Variants in PDGFD observed in about 807,000 individuals in gnomAD.
The protein encoded by PDGFD is platelet-derived growth factor D.
Under a neutral mutation model 44.7 loss-of-function variants are expected in PDGFD, and 30 were observed. That is an observed-to-expected ratio of 0.67 (90% CI 0.50 to 0.91). The LOEUF is 0.91. PDGFD is among the 40% of genes least tolerant of loss of function. The pLI, the probability that PDGFD is intolerant of heterozygous loss-of-function variation, is 0.00. For missense variants in PDGFD, 445 were observed against 457.8 expected (o/e 0.97, Z 0.25); for synonymous variants, 173 against 168.4 (o/e 1.03, Z -0.21).
intron 3 of PDGFD, among the ~76,000 whole-genome samples, chr11:103,974,354 T>C (rs1353159928): frequency 1.3e-5 from 2 of 152,136 alleles, no homozygotes. Flanking sequence ...CCATGTGCAG[T>C]CACCTCCTAT....
chr11:104,094,483 A>C (rs1329352331), intron 1 of PDGFD, among the ~76,000 whole-genome samples: 2 of 152,078 alleles, frequency 1.3e-5, no homozygotes, highest in African/African-American at 4.8e-5. Context: ...AGCATCTCAA[A>C]CTTCACTTTT....
intron 1 of PDGFD, among the ~76,000 whole-genome samples, chr11:104,011,817 T>C (rs1859791156): frequency 6.6e-6 from 1 of 151,938 alleles, no homozygotes; most frequent in Non-Finnish European, 1.5e-5. Flanking sequence ...GTAAATATAC[T>C]AAAAAAATGA....
chr11:103,912,651 G>C (rs143182482), intron 6 of PDGFD, among the ~76,000 whole-genome samples: 1,731 of 152,186 alleles, frequency 0.011, 32 homozygotes, highest in African/African-American at 0.039. Flanking sequence ...AATGTAAATG[G>C]GCTAAATTCC....
At chr11:103,988,425 T>C (rs11226105) in intron 3 of PDGFD, among the ~76,000 whole-genome samples, 2,761 of 152,126 alleles carry the variant, frequency 0.018, 78 homozygotes, top group African/African-American at 0.063. Context: ...GGGAGTCATC[T>C]GCTCATATGA....
chr11:104,117,446 C>T (rs1861659045), intron 1 of PDGFD, among the ~76,000 whole-genome samples: 1 of 151,976 alleles, frequency 6.6e-6, no homozygotes, highest in Non-Finnish European at 1.5e-5. Context: ...TGAACTGTCA[C>T]TGTTTGCTGA....
chr11:104,032,638 A>C (rs1860146671), intron 1 of PDGFD, among the ~76,000 whole-genome samples: 1 of 151,140 alleles, frequency 6.6e-6, no homozygotes, highest in African/African-American at 2.4e-5. Context: ...ACCATCAGTT[A>C]TGTGGATTTT....
chr11:103,949,266 G>T (rs887553263), intron 3 of PDGFD, among the ~76,000 whole-genome samples: 33 of 152,214 alleles, frequency 2.2e-4, no homozygotes, highest in African/African-American at 7.7e-4. Context: ...GCCCCCCAAA[G>T]TGCTGGGATT....
chr11:104,016,906 G>A (rs1023545699), intron 1 of PDGFD, among the ~76,000 whole-genome samples: 16 of 152,162 alleles, frequency 1.1e-4, no homozygotes, highest in African/African-American at 3.9e-4. Flanking sequence ...CAGGTTTTGG[G>A]AAGAAATCTC....
intron 1 of PDGFD, among the ~76,000 whole-genome samples, chr11:104,049,607 T>C (rs1488439118): frequency 6.6e-6 from 1 of 152,116 alleles, no homozygotes; most frequent in African/African-American, 2.4e-5. Flanking sequence ...AGAATTAGGC[T>C]CCTGAGAGGT....
chr11:104,125,312 A>T (rs1480188747), intron 1 of PDGFD, among the ~76,000 whole-genome samples: 1 of 152,102 alleles, frequency 6.6e-6, no homozygotes, highest in Non-Finnish European at 1.5e-5. Context: ...TCTTTATCTG[A>T]TAATAGGGCT....
chr11:103,934,178 G>A (rs1858451585), intron 5 of PDGFD, among the ~76,000 whole-genome samples: 1 of 152,100 alleles, frequency 6.6e-6, no homozygotes, highest in South Asian at 2.1e-4. Context: ...CTTTTACTAT[G>A]CAAAATGGGA....
At chr11:104,100,045 A>T (rs1334089632) in intron 1 of PDGFD, among the ~76,000 whole-genome samples, 1 of 152,152 alleles carries the variant, frequency 6.6e-6, no homozygotes, top group African/African-American at 2.4e-5. Context: ...AATTTTTTTT[A>T]ATGCAAAAGT....
chr11:104,077,597 A>G (rs1366429573), intron 1 of PDGFD, among the ~76,000 whole-genome samples: 9 of 152,224 alleles, frequency 5.9e-5, no homozygotes, highest in African/African-American at 1.9e-4. Flanking sequence ...GAGAATTAGC[A>G]TTAAACATGT....
chr11:104,033,897 T>C (rs1359303884), intron 1 of PDGFD, among the ~76,000 whole-genome samples: 1 of 152,214 alleles, frequency 6.6e-6, no homozygotes, highest in Non-Finnish European at 1.5e-5. Flanking sequence ...CATAATATTA[T>C]TGAGTCAAAG....
intron 5 of PDGFD, among the ~76,000 whole-genome samples, chr11:103,933,237 A>G (rs1858434373): frequency 6.6e-6 from 1 of 152,196 alleles, no homozygotes; most frequent in Non-Finnish European, 1.5e-5. Context: ...ATTTTTGTTA[A>G]ACAACCAGGG....
At chr11:103,990,141 TTGAC>T (rs928724605) in intron 3 of PDGFD, among the ~76,000 whole-genome samples, 19 of 152,316 alleles carry the variant, frequency 1.2e-4, no homozygotes, top group African/African-American at 4.3e-4. Flanking sequence ...TTCCTCATCT[TTGAC>T]TGAGAGAGGA....
intron 5 of PDGFD, among the ~76,000 whole-genome samples, chr11:103,941,493 A>C (rs774813102): frequency 2.6e-5 from 4 of 152,124 alleles, no homozygotes; most frequent in Non-Finnish European, 4.4e-5. Context: ...ATTCTAAGTC[A>C]TTATAGCTAG....
intron 1 of PDGFD, among the ~76,000 whole-genome samples, chr11:104,005,490 C>T (rs1386750): frequency 0.3 from 45,370 of 151,990 alleles, 8,164 homozygotes; most frequent in Admixed American, 0.48. Context: ...ATTATAGATA[C>T]AAAGAACAAC....
chr11:103,922,008 T>G (rs998351288), intron 6 of PDGFD, among the ~76,000 whole-genome samples: 2 of 151,780 alleles, frequency 1.3e-5, no homozygotes, highest in African/African-American at 2.4e-5. Flanking sequence ...TACAGGAAGA[T>G]CTATTAGACA....
Sources: allele counts gnomAD v4.1 joint callset (sites outside exome capture counted in the v4.1 genomes callset), GRCh38; gene constraint gnomAD v4.1.1; transcripts MANE v1.5; gene names NCBI Gene and HGNC (gene_info 2026-07-23, HGNC 2026-07-21).